The following PCDH9 variants were observed in gnomAD, a reference collection of about 807,000 sequenced individuals.
The protein encoded by PCDH9 is protocadherin 9, also known as protocadherin-9.
In PCDH9, 24 loss-of-function variants were observed where a neutral mutation model predicts 70.6. The observed-to-expected ratio is 0.34, with a 90% CI of 0.25 to 0.48. The LOEUF is 0.48. PCDH9 is among the 20% of genes least tolerant of loss of function. The probability of loss-of-function intolerance (pLI) is 0.99; values close to 1 mark genes in which losing one functional copy is unlikely to be tolerated. For missense variants in PCDH9, 1,281 were observed against 1,503.6 expected (o/e 0.85, Z 2.45); for synonymous variants, 562 against 558.5 (o/e 1.01, Z -0.09).
intron 3 of PCDH9, among the ~76,000 whole-genome samples, chr13:66,690,319 T>G (rs184615523): frequency 6.6e-6 from 1 of 152,198 alleles, no homozygotes; most frequent in Non-Finnish European, 1.5e-5. Context: ...TAGAATTGTC[T>G]AATTTTAAAG....
chr13:67,033,781 C>T (rs2084954564), intron 2 of PCDH9, among the ~76,000 whole-genome samples: 1 of 152,018 alleles, frequency 6.6e-6, no homozygotes, highest in Non-Finnish European at 1.5e-5. Flanking sequence ...TTTTGTATAC[C>T]AGAAATCATC....
At chr13:66,627,078 C>T (rs2077509377) in intron 4 of PCDH9, among the ~76,000 whole-genome samples, 1 of 151,486 alleles carries the variant, frequency 6.6e-6, no homozygotes, top group Admixed American at 6.6e-5. Flanking sequence ...TGAAAAAATA[C>T]CTACTGGAAA....
rs564566804 is a variant in PCDH9 at position 66,960,498 on chromosome 13, T to A, written c.3037-56893A>T. Among the ~76,000 whole-genome samples, 14 of 152,260 alleles carry A rather than the reference T, an allele frequency of 9.2e-5. No individual in the cohort carries two copies. The East Asian group carries it at 2.7e-3, about 29-fold the overall frequency. Reference sequence around the variant, plus strand: ...AATTTCAAAGGGCCACAGTGGTTGATGGAAGGAGTTGTTCTTCTGTTAATT... The same window carrying A: ...AATTTCAAAGGGCCACAGTGGTTGAAGGAAGGAGTTGTTCTTCTGTTAATT... On this transcript the variant is annotated intron_variant, in intron 2 of 4. Transcript: ENST00000377865.
intron 2 of PCDH9, among the ~76,000 whole-genome samples, chr13:67,014,705 C>T (rs2139847170): frequency 6.6e-6 from 1 of 152,088 alleles, no homozygotes; most frequent in Admixed American, 6.6e-5. Flanking sequence ...GAAGAAGTGG[C>T]CCAATTAGTT....
At chr13:66,566,784 A>C (rs1720106093) in intron 4 of PCDH9, among the ~76,000 whole-genome samples, 1 of 152,130 alleles carries the variant, frequency 6.6e-6, no homozygotes, top group South Asian at 2.1e-4. Context: ...ATCTAGTTAT[A>C]ATTTTGTTAG....
At chr13:66,677,338 C>T (rs976262448) in intron 3 of PCDH9, among the ~76,000 whole-genome samples, 2 of 152,046 alleles carry the variant, frequency 1.3e-5, no homozygotes, top group African/African-American at 4.8e-5. Context: ...TAAATAAGAT[C>T]TTTGCTCTTT....
intron 4 of PCDH9, among the ~76,000 whole-genome samples, chr13:66,408,727 GC>G (rs916043982): frequency 6.7e-6 from 1 of 149,736 alleles, no homozygotes; most frequent in Non-Finnish European, 1.5e-5. Flanking sequence ...TTCTTCTTCT[GC>G]CTTTTTTTTT....
At chr13:66,986,997 T>A (rs538726751) in intron 2 of PCDH9, among the ~76,000 whole-genome samples, 1 of 151,958 alleles carries the variant, frequency 6.6e-6, no homozygotes, top group South Asian at 2.1e-4. Context: ...ATAGAAAAAT[T>A]GAGGAAATAA....
At position 67,155,622 on chromosome 13, in the gene PCDH9, CT is replaced by C. The variant is rs146183643; in HGVS notation, c.3036+69782del. Among the ~76,000 whole-genome samples the C allele has an allele frequency of 7.0e-3, 1,060 of 152,174 alleles. 12 individuals carry two copies. Among genetic ancestry groups the C allele is most frequent in the African/African-American group, 0.024 (1,006 of 41,504 alleles). ...CTCTTCAAGTCTCAGGGGCATCCTCCTTTTCCCTCTGTGTTTTCTAAGGAAT... is the reference window on the plus strand; with the variant it reads ...CTCTTCAAGTCTCAGGGGCATCCTCCTTTCCCTCTGTGTTTTCTAAGGAAT... On this transcript the variant is annotated intron_variant, in intron 2 of 4. Transcript: ENST00000377865.
At chr13:67,214,307 G>A (rs1351828194) in intron 2 of PCDH9, 1 of 152,156 alleles carries the variant, frequency 6.6e-6, no homozygotes, top group Admixed American at 6.5e-5. Context: ...ATTTTAGCTG[G>A]TTTGATTACA....
At chr13:67,096,608 T>C (rs1321708726) in intron 2 of PCDH9, among the ~76,000 whole-genome samples, 1 of 152,202 alleles carries the variant, frequency 6.6e-6, no homozygotes, top group Admixed American at 6.5e-5. Context: ...CTTCAACTGC[T>C]CTTATCAAAG....
intron 2 of PCDH9, among the ~76,000 whole-genome samples, chr13:67,174,398 C>T (rs532468948): frequency 6.6e-6 from 1 of 152,108 alleles, no homozygotes; most frequent in East Asian, 1.9e-4. Context: ...CTCCTGTTTA[C>T]AGAAAGCTCA....
At chr13:67,090,646 T>C (rs1273197185) in intron 2 of PCDH9, among the ~76,000 whole-genome samples, 1 of 151,574 alleles carries the variant, frequency 6.6e-6, no homozygotes, top group Non-Finnish European at 1.5e-5. Flanking sequence ...TTATGTAAAA[T>C]GACAATGAAG....
intron 2 of PCDH9, among the ~76,000 whole-genome samples, chr13:67,106,757 T>C (rs1471980309): frequency 6.6e-6 from 1 of 152,184 alleles, no homozygotes; most frequent in Non-Finnish European, 1.5e-5. Context: ...CCCTGCAGGC[T>C]CAGAAGTGCC....
intron 2 of PCDH9, among the ~76,000 whole-genome samples, chr13:66,940,461 G>A (rs1212904921): frequency 1.3e-5 from 2 of 152,010 alleles, no homozygotes; most frequent in African/African-American, 4.8e-5. Flanking sequence ...TGATTAAACA[G>A]CATATAAAAA....
At chr13:66,644,860 G>A (rs964029989) in intron 3 of PCDH9, among the ~76,000 whole-genome samples, 3 of 151,950 alleles carry the variant, frequency 2.0e-5, no homozygotes, top group African/African-American at 7.2e-5. Flanking sequence ...TATTCTCCAA[G>A]AGACATATTT....
chr13:67,033,822 A>T (rs1363267264), intron 2 of PCDH9, among the ~76,000 whole-genome samples: 1 of 152,214 alleles, frequency 6.6e-6, no homozygotes, highest in East Asian at 1.9e-4. Flanking sequence ...AAGATAGTCA[A>T]CATTCTTTGA....
chr13:66,903,294 A>T (rs1012431783), intron 3 of PCDH9, among the ~76,000 whole-genome samples: 1 of 151,832 alleles, frequency 6.6e-6, no homozygotes, highest in African/African-American at 2.4e-5. Context: ...GAGTTGGATC[A>T]TTACTCAACA....
At chr13:67,185,583 A>C (rs1256912457) in intron 2 of PCDH9, among the ~76,000 whole-genome samples, 1 of 152,218 alleles carries the variant, frequency 6.6e-6, no homozygotes, top group Non-Finnish European at 1.5e-5. Flanking sequence ...TCCAGAAATA[A>C]GTTAATTGGT....
Sources: allele counts gnomAD v4.1 joint callset (sites outside exome capture counted in the v4.1 genomes callset), GRCh38; gene constraint gnomAD v4.1.1; transcripts MANE v1.5; gene names NCBI Gene and HGNC (gene_info 2026-07-23, HGNC 2026-07-21).